TTC28: variants seen among roughly 807,000 people sequenced by gnomAD.
TTC28 encodes the protein tetratricopeptide repeat domain 28, also known as tetratricopeptide repeat protein 28.
A neutral mutation model predicts 198.0 loss-of-function variants in TTC28; 61 were observed. The ratio of observed to expected loss-of-function variants is 0.31; its 90% CI spans 0.25 to 0.38. The LOEUF is 0.38. Among genes scored for constraint, TTC28 ranks in the 10% least tolerant of loss-of-function variants. The probability of loss-of-function intolerance (pLI) is 1.00; values close to 1 mark genes in which losing one functional copy is unlikely to be tolerated. For synonymous variants in TTC28, 1,171 were observed against 1,297.8 expected, an observed-to-expected ratio of 0.90 and a Z score of 2.10; for missense variants, 2,678 against 3,164.0, an observed-to-expected ratio of 0.85 and a Z score of 3.69.
chr22:28,532,805 G>A (rs112257160), intron 2 of TTC28, among the ~76,000 whole-genome samples: 7 of 152,038 alleles, frequency 4.6e-5, no homozygotes, highest in Non-Finnish European at 1.0e-4. Flanking sequence ...AAAGACAAAA[G>A]CCACATGATT....
intron 2 of TTC28, among the ~76,000 whole-genome samples, chr22:28,539,389 C>T (rs2049362849): frequency 6.6e-6 from 1 of 152,168 alleles, no homozygotes; most frequent in Admixed American, 6.5e-5. Flanking sequence ...AATCCCAACA[C>T]TTTGGGAGGC....
intron 12 of TTC28, among the ~76,000 whole-genome samples, chr22:28,052,608 C>T (rs1940130808): frequency 6.6e-6 from 1 of 152,114 alleles, no homozygotes; most frequent in Non-Finnish European, 1.5e-5. Flanking sequence ...AAAAAAAGAC[C>T]AGCCATTTTC....
chr22:28,041,920 GA>G (rs1290652629), intron 12 of TTC28, among the ~76,000 whole-genome samples: 2 of 150,882 alleles, frequency 1.3e-5, no homozygotes, highest in Admixed American at 1.3e-4. Flanking sequence ...GTGGGCAAAA[GA>G]TATGAACAGA....
At chr22:28,451,098 A>G (rs1387814396) in intron 2 of TTC28, among the ~76,000 whole-genome samples, 1 of 152,192 alleles carries the variant, frequency 6.6e-6, no homozygotes, top group African/African-American at 2.4e-5. Context: ...AGTCCTCTTA[A>G]GTTTTGGCTG....
In TTC28 at chr22:28,276,890, T is replaced by C. The variant is rs919027607; in HGVS notation, c.933+19308A>G. ...TTTCTAGAGAATTTATGAATACTTA[T>C]TAAAATACTTAATAAAATACTTATA... On this transcript the variant is annotated intron_variant, in intron 5 of 22. Transcript: ENST00000397906. Among the ~76,000 whole-genome samples, 11 of 152,150 alleles carry C rather than the reference T, an allele frequency of 7.2e-5. No individual in the cohort carries two copies. The South Asian group carries it at 8.3e-4, about 11-fold the overall frequency.
At chr22:28,342,466 C>T (rs2045846687) in intron 2 of TTC28, among the ~76,000 whole-genome samples, 1 of 152,062 alleles carries the variant, frequency 6.6e-6, no homozygotes, top group Non-Finnish European at 1.5e-5. Flanking sequence ...TTATATGTTG[C>T]CAATATTTTC....
intron 12 of TTC28, among the ~76,000 whole-genome samples, chr22:28,071,835 TAAATC>T (rs1388110597): frequency 6.6e-6 from 1 of 151,928 alleles, no homozygotes; most frequent in African/African-American, 2.4e-5. Flanking sequence ...GACAGATCCT[TAAATC>T]AATTCTGTCT....
chr22:28,333,286 C>T (rs1306777784), intron 2 of TTC28, among the ~76,000 whole-genome samples: 1 of 152,004 alleles, frequency 6.6e-6, no homozygotes, highest in Non-Finnish European at 1.5e-5. Context: ...GGTTAAGAAA[C>T]CTGATCTCTT....
At chr22:28,434,046 T>C (rs1412272708) in intron 2 of TTC28, among the ~76,000 whole-genome samples, 1 of 152,206 alleles carries the variant, frequency 6.6e-6, no homozygotes, top group Non-Finnish European at 1.5e-5. Context: ...GGAGAACAAA[T>C]GTCAAGCTTT....
chr22:28,225,126 A>G (rs1230713506), intron 5 of TTC28, among the ~76,000 whole-genome samples: 2 of 151,952 alleles, frequency 1.3e-5, no homozygotes, highest in Non-Finnish European at 2.9e-5. Context: ...TAATCCCAGC[A>G]CTTTGGGAGG....
Position 28,001,425 on chromosome 22 carries a change from G to A in TTC28, c.4347C>T (p.Arg1449=). The change falls in exon 15 of 23, where the codon CGC becomes CGT. Residue 1449 remains arginine, a synonymous_variant. Coordinates refer to ENST00000397906, the MANE Select transcript of TTC28 (RefSeq NM_001145418.2). ...TGGAAGGGACAGCAAGGAGGCCGAAGCGCTCGTAGAGGTACTCATTGGAGG... is the reference window on the plus strand; with the variant it reads ...TGGAAGGGACAGCAAGGAGGCCGAAACGCTCGTAGAGGTACTCATTGGAGG... ...GSSSNEYLYE[R]FGLLAVPSIR... is the part of the protein sequence containing the mutation. 1 of 1,551,576 alleles carries A rather than the reference G, an allele frequency of 6.4e-7. No individual in the cohort carries two copies. The highest frequency in any genetic ancestry group is 8.7e-7 in the Non-Finnish European group (1 of 1,146,962).
At chr22:28,425,248 A>G (rs1045297300) in intron 2 of TTC28, among the ~76,000 whole-genome samples, 3 of 152,198 alleles carry the variant, frequency 2.0e-5, no homozygotes, top group Non-Finnish European at 4.4e-5. Flanking sequence ...ACCTGTCAGA[A>G]CTCTGTTTTC....
intron 1 of TTC28, among the ~76,000 whole-genome samples, chr22:28,654,040 A>C (rs1282068006): frequency 6.6e-6 from 1 of 152,172 alleles, no homozygotes; most frequent in Non-Finnish European, 1.5e-5. Flanking sequence ...ACTTGGGAGA[A>C]AAAATGAGAG....
intron 2 of TTC28, among the ~76,000 whole-genome samples, chr22:28,328,916 T>C (rs938119125): frequency 1.3e-5 from 2 of 151,940 alleles, no homozygotes; most frequent in Admixed American, 1.3e-4. Flanking sequence ...ATTAGGTTCA[T>C]AGAATTCAAA....
In TTC28 at chr22:28,005,325, G is replaced by A. The variant is rs563948579; in HGVS notation, c.4219-3772C>T. 6.6e-6 allele frequency among the ~76,000 whole-genome samples: 1 copy of A among 152,302 alleles called. No homozygotes were observed. The highest frequency in any genetic ancestry group is 1.5e-5 in the Non-Finnish European group (1 of 68,024). On this transcript the variant is annotated intron_variant, in intron 14 of 22. Coordinates refer to ENST00000397906, the MANE Select transcript of TTC28 (RefSeq NM_001145418.2). This position sits in a 1 kb window ranked among gnomAD's most constrained non-coding sequence, Gnocchi z 4.9. ...CTGCCCTGGGGCACGGTGATGACAG[G>A]GGTTCCGTGAAGGTGCAGTCTTTGT...
At chr22:28,476,426 CT>C (rs1299525876) in intron 2 of TTC28, among the ~76,000 whole-genome samples, 1 of 152,130 alleles carries the variant, frequency 6.6e-6, no homozygotes, top group Non-Finnish European at 1.5e-5. Context: ...TTTCAAAATT[CT>C]AAAACATAGC....
At chr22:28,070,583 A>C (rs571738356) in intron 12 of TTC28, among the ~76,000 whole-genome samples, 1 of 152,290 alleles carries the variant, frequency 6.6e-6, no homozygotes, top group East Asian at 1.9e-4. Context: ...GGAGTTTGAG[A>C]CCAGCCTGGG....
chr22:28,052,873 TAA>T (rs998762441), intron 12 of TTC28, among the ~76,000 whole-genome samples: 5 of 152,208 alleles, frequency 3.3e-5, no homozygotes, highest in African/African-American at 1.2e-4. Flanking sequence ...AGCAAAATCA[TAA>T]AGTCTTCTCC....
chr22:28,413,253 G>A (rs2047112690), intron 2 of TTC28, among the ~76,000 whole-genome samples: 3 of 152,014 alleles, frequency 2.0e-5, no homozygotes, highest in South Asian at 4.2e-4. Flanking sequence ...GGCTAACAAG[G>A]TGAAACCCCG....
Sources: gnomAD v4.1 joint callset for allele counts (sites outside exome capture counted in the v4.1 genomes callset) on GRCh38, gnomAD v4.1.1 for gene constraint, Gnocchi (gnomAD v3.1) non-coding constraint, MANE v1.5 for transcripts, NCBI Gene and HGNC (gene_info 2026-07-23, HGNC 2026-07-21) for gene names.